Variants in SUCLG1 observed in about 807,000 individuals in gnomAD.
SUCLG1 encodes succinate--CoA ligase [ADP/GDP-forming] subunit alpha, mitochondrial.
In SUCLG1, 26 loss-of-function variants were observed where a neutral mutation model predicts 37.3. The observed-to-expected ratio is 0.70, with a 90% CI of 0.51 to 0.97. The LOEUF (loss-of-function observed/expected upper bound fraction) is 0.97. SUCLG1 is among the 50% of genes least tolerant of loss of function. The pLI, the probability that SUCLG1 is intolerant of heterozygous loss-of-function variation, is 0.00. For synonymous variants in SUCLG1, 163 were observed against 155.6 expected, an observed-to-expected ratio of 1.05 and a Z score of -0.36; for missense variants, 433 against 432.9, an observed-to-expected ratio of 1.00 and a Z score of 0.00.
intron 1 of SUCLG1, among the ~76,000 whole-genome samples, chr2:84,456,254 C>T (rs73942663): frequency 0.011 from 1,687 of 152,174 alleles, 28 homozygotes; most frequent in African/African-American, 0.039. Flanking sequence ...ATCAGAGCTT[C>T]GAAAAAAGCT....
chr2:84,429,194 T>C (rs995309153), intron 7 of SUCLG1, among the ~76,000 whole-genome samples: 5 of 152,126 alleles, frequency 3.3e-5, no homozygotes, highest in African/African-American at 2.4e-5. Context: ...TCAATAAAAA[T>C]TAATTCCATA....
intron 8 of SUCLG1, among the ~76,000 whole-genome samples, 155 bp from the exon 9 acceptor site, chr2:84,423,927 T>C (rs1049539400): frequency 2.0e-5 from 3 of 152,178 alleles, no homozygotes; most frequent in Non-Finnish European, 4.4e-5. Context: ...ATGAGGGTGT[T>C]TGAACACAGA....
At chr2:84,445,389 T>C (rs1672834886) in intron 2 of SUCLG1, among the ~76,000 whole-genome samples, 1 of 152,024 alleles carries the variant, frequency 6.6e-6, no homozygotes, top group Admixed American at 6.6e-5. Context: ...ATACATATCA[T>C]CCATATGGTG....
intron 5 of SUCLG1, among the ~76,000 whole-genome samples, chr2:84,440,829 C>CA: frequency 6.6e-6 from 1 of 152,196 alleles, no homozygotes; most frequent in East Asian, 1.9e-4. Flanking sequence ...CTCCCACCAC[C>CA]AAAAAAATCT....
At chr2:84,433,793 T>C in intron 5 of SUCLG1, 1 of 306,916 alleles carries the variant, frequency 3.3e-6, no homozygotes, top group South Asian at 3.1e-5. Flanking sequence ...CAGAATGTAA[T>C]AGATTAGACT....
chr2:84,441,527 C>T (rs1672773875), intron 3 of SUCLG1, 68 bp from the exon 4 acceptor site: 3 of 1,490,252 alleles, frequency 2.0e-6, no homozygotes, highest in Admixed American at 3.8e-5. Flanking sequence ...AAATTCAATA[C>T]CATCATTTTA....
At chr2:84,425,746 T>C (rs892200988) in intron 7 of SUCLG1, 143 bp from the exon 8 acceptor site, 8 of 884,110 alleles carry the variant, frequency 9.0e-6, no homozygotes, top group East Asian at 7.6e-5. Context: ...AACACAAATA[T>C]TAAACCATGA....
intron 1 of SUCLG1, among the ~76,000 whole-genome samples, chr2:84,457,181 A>T (rs73942667): frequency 0.012 from 1,758 of 151,724 alleles, 28 homozygotes; most frequent in African/African-American, 0.039. Context: ...GTCCCTTTTT[A>T]AAAAAAAAGT....
chr2:84,452,214 G>A (rs959844503), intron 1 of SUCLG1, among the ~76,000 whole-genome samples: 1 of 152,138 alleles, frequency 6.6e-6, no homozygotes, highest in Admixed American at 6.5e-5. Flanking sequence ...GGCATTTGGG[G>A]TGGATAAACT....
chr2:84,425,676 T>C, intron 7 of SUCLG1, 73 bp from the exon 8 acceptor site: 1 of 1,539,592 alleles, frequency 6.5e-7, no homozygotes, highest in East Asian at 2.2e-5. Flanking sequence ...TTCATGACTC[T>C]GCTGGTAAAT....
intron 2 of SUCLG1, among the ~76,000 whole-genome samples, chr2:84,444,751 C>T (rs10204310): frequency 0.07 from 10,596 of 152,126 alleles, 1,217 homozygotes; most frequent in African/African-American, 0.24. Flanking sequence ...GATGGCCGCC[C>T]CCCGAAGTGG....
chr2:84,431,976 T>C (rs968550133), intron 6 of SUCLG1, among the ~76,000 whole-genome samples: 1 of 152,230 alleles, frequency 6.6e-6, no homozygotes, highest in South Asian at 2.1e-4. Context: ...TATTCCCAGA[T>C]AACTCCTTAG....
At chr2:84,441,224 T>C (rs755842451) in intron 4 of SUCLG1, 23 bp downstream of exon 4, 22 of 1,614,014 alleles carry the variant, frequency 1.4e-5, no homozygotes, top group Non-Finnish European at 1.9e-5. Flanking sequence ...AATCTGAGTT[T>C]CTTTTTGTTT....
intron 1 of SUCLG1, among the ~76,000 whole-genome samples, chr2:84,458,765 T>C (rs1159790): frequency 0.69 from 104,832 of 151,946 alleles, 38,378 homozygotes; most frequent in East Asian, 0.9. Context: ...TGAGACACTC[T>C]TCCTCTACCT....
In SUCLG1 at chr2:84,433,430, C is replaced by A. The variant is rs771606328; in HGVS notation, c.595G>T (p.Val199Leu). ...TAAGTCAGGGTGCCAGATCTGGACA[C>A]AATGCCTTAACGAAAGAGAATTCAA... ...HIHKKGRIGI[V>L]SRSGTLTYEA... The change falls in exon 6 of 9, where the codon GTG becomes TTG. Residue 199 changes from valine to leucine, a missense_variant. Transcript: ENST00000393868. 15 of 1,613,560 alleles carry A rather than the reference C, an allele frequency of 9.3e-6. No homozygotes were observed. Among genetic ancestry groups the A allele is most frequent in the Non-Finnish European group, 1.3e-5 (15 of 1,179,750 alleles).
intron 7 of SUCLG1, 143 bp downstream of exon 7, chr2:84,431,365 G>T: frequency 1.1e-6 from 1 of 923,014 alleles, no homozygotes. Flanking sequence ...TTGTCTGAGT[G>T]TCCAGTATAG....
chr2:84,431,390 A>G, intron 7 of SUCLG1, 118 bp downstream of exon 7: 9 of 1,368,010 alleles, frequency 6.6e-6, no homozygotes, highest in Non-Finnish European at 9.2e-6. Context: ...CCCTGCTCAG[A>G]AAGTTTTATC....
chr2:84,448,191 C>CAAAA (rs1477378759), intron 2 of SUCLG1, among the ~76,000 whole-genome samples: 56 of 139,932 alleles, frequency 4.0e-4, no homozygotes, highest in African/African-American at 1.2e-3. Context: ...AAACAAAAAA[C>CAAAA]AAAAAACAAA....
At chr2:84,425,659 C>A in intron 7 of SUCLG1, 56 bp from the exon 8 acceptor site, 1 of 1,593,930 alleles carries the variant, frequency 6.3e-7, no homozygotes, top group Non-Finnish European at 8.6e-7. Flanking sequence ...CAAAACGGGA[C>A]CTCAAATTCA....
Sources: allele counts gnomAD v4.1 joint callset (sites outside exome capture counted in the v4.1 genomes callset), GRCh38; gene constraint gnomAD v4.1.1; transcripts MANE v1.5; gene names NCBI Gene and HGNC (gene_info 2026-07-23, HGNC 2026-07-21).